The following GAN variants were observed in gnomAD, a reference collection of about 807,000 sequenced individuals.
The protein encoded by GAN is epididymis secretory sperm binding protein.
In GAN, 48 loss-of-function variants were observed where a neutral mutation model predicts 71.3. That is an observed-to-expected ratio of 0.67 (90% CI 0.53 to 0.86). The LOEUF is 0.86. GAN is among the 40% of genes least tolerant of loss of function. The pLI is 0.00. For missense variants in GAN, 928 were observed against 770.1 expected, an observed-to-expected ratio of 1.21 and a Z score of -2.43; for synonymous variants, 386 against 276.8, an observed-to-expected ratio of 1.39 and a Z score of -3.92.
At chr16:81,318,368 G>A (rs1007371305) in intron 1 of GAN, among the ~76,000 whole-genome samples, 1 of 152,186 alleles carries the variant, frequency 6.6e-6, no homozygotes, top group Non-Finnish European at 1.5e-5. Flanking sequence ...GTGTGGTTTA[G>A]AAGCAGTGGT....
chr16:81,364,978 G>T lies in GAN; in HGVS notation c.1241G>T (p.Gly414Val). ...ACCATTGTTCTCTGCTTTCAGATCG[G>T]CTGCTATGCAGCTATGAAAAAGAAA... ...QPDLTMVRKIGCYAAMKKKIY... is the reference protein window; with the variant it reads ...QPDLTMVRKIVCYAAMKKKIY... Residue 414 changes from glycine (G) to valine (V), a missense_variant, in exon 8 of 11, where the codon GGC becomes GTC. By Grantham distance (109) the Gly-to-Val change is moderately radical. Coordinates refer to ENST00000648994, the MANE Select transcript of GAN (RefSeq NM_022041.4). 6.2e-7 allele frequency: 1 copy of T among 1,614,026 alleles called. No individual in the cohort carries two copies. The highest frequency in any genetic ancestry group is 8.5e-7 in the Non-Finnish European group (1 of 1,179,934).
intron 4 of GAN, 91 bp downstream of exon 4, chr16:81,357,093 A>C: frequency 1.1e-6 from 1 of 873,362 alleles, no homozygotes; most frequent in Non-Finnish European, 2.0e-6. Context: ...TCAGTATCTA[A>C]AACATAATTA....
At position 81,363,887 on chromosome 16, in the gene GAN, T is replaced by TA; in HGVS notation, c.1181dup (p.Tyr394Ter). Reference protein sequence around the residue: ...GEKELISMECYDIYSKTWTKQ... With the variant: ...GEKELISMEC Reference sequence around the variant, plus strand: ...AAAGGAGCTGATTTCCATGGAGTGTTACGATATTTATTCTAAAACCTGGAC... The same window carrying TA: ...AAAGGAGCTGATTTCCATGGAGTGTTAACGATATTTATTCTAAAACCTGGAC... Residue 394 changes from tyrosine to a stop codon, truncating the protein, a stop_gained and frameshift_variant, in exon 7 of 11, where the codon TAC (tyrosine) becomes TAAC (stop). Transcript: ENST00000648994. LOFTEE classifies it high-confidence loss of function. 1.2e-6 allele frequency: 2 copies of TA among 1,612,834 alleles called. No homozygotes were observed. Among genetic ancestry groups the TA allele is most frequent in the Non-Finnish European group, 1.7e-6 (2 of 1,178,808 alleles).
chr16:81,338,160 TC>T (rs529637800), intron 1 of GAN, among the ~76,000 whole-genome samples: 385 of 152,352 alleles, frequency 2.5e-3, no homozygotes, highest in Non-Finnish European at 4.0e-3. Context: ...ACACCTGAGA[TC>T]CATTTTTATA....
intron 1 of GAN, among the ~76,000 whole-genome samples, 169 bp downstream of exon 1, chr16:81,315,449 C>T (rs1198786304): frequency 6.6e-6 from 1 of 151,892 alleles, no homozygotes; most frequent in Non-Finnish European, 1.5e-5. Flanking sequence ...CCCGGCCCCG[C>T]TGACCGCGTC....
At chr16:81,329,436 A>G (rs1038247314) in intron 1 of GAN, among the ~76,000 whole-genome samples, 1 of 152,240 alleles carries the variant, frequency 6.6e-6, no homozygotes, top group Non-Finnish European at 1.5e-5. Flanking sequence ...TCTTCTTACA[A>G]GTGCATAATT....
At chr16:81,318,016 A>C (rs531320407) in intron 1 of GAN, among the ~76,000 whole-genome samples, 12 of 152,366 alleles carry the variant, frequency 7.9e-5, no homozygotes, top group Admixed American at 2.6e-4. Flanking sequence ...GCTGTTTCAA[A>C]GTAATTTGAC....
At chr16:81,333,764 A>G (rs1336472812) in intron 1 of GAN, among the ~76,000 whole-genome samples, 1 of 152,202 alleles carries the variant, frequency 6.6e-6, no homozygotes, top group African/African-American at 2.4e-5. Flanking sequence ...GTGAGAGGCT[A>G]GCTACACAAA....
chr16:81,344,672 G>A (rs943392844), intron 1 of GAN, among the ~76,000 whole-genome samples: 2 of 151,972 alleles, frequency 1.3e-5, no homozygotes, highest in Non-Finnish European at 1.5e-5. Flanking sequence ...AGAAAACCTG[G>A]GCAATACCAT....
At chr16:81,376,541 GTA>G (rs1432927471) in intron 9 of GAN, among the ~76,000 whole-genome samples, 2 of 144,114 alleles carry the variant, frequency 1.4e-5, no homozygotes, top group African/African-American at 5.2e-5. Context: ...ATGTGTATAT[GTA>G]TATACACACA....
At chr16:81,348,623 G>A (rs1469616067) in intron 1 of GAN, among the ~76,000 whole-genome samples, 1 of 152,212 alleles carries the variant, frequency 6.6e-6, no homozygotes, top group Non-Finnish European at 1.5e-5. Context: ...CCTACAGGCC[G>A]CCTCTGTTTA....
intron 1 of GAN, among the ~76,000 whole-genome samples, chr16:81,348,362 A>G (rs554828852): frequency 6.6e-6 from 1 of 152,068 alleles, no homozygotes; most frequent in East Asian, 1.9e-4. Context: ...TTTTCCTTGA[A>G]CTTTTCATTT....
Position 81,354,485 on chromosome 16 carries a change from C to T in GAN, c.363C>T (p.Cys121=), listed in dbSNP as rs779767233. The part of the protein sequence containing the change: ...LLLLTDLKTL[C]CEFLEGCIAA... ...TACTGACGGACCTTAAAACCCTGTG[C>T]TGTGAGTTTTTGGAAGGCTGCATTG... Residue 121 remains cysteine, a synonymous_variant, in exon 3 of 11, where the codon TGC becomes TGT. Transcript: ENST00000648994. The T allele has an allele frequency of 6.2e-7, 1 of 1,613,998 alleles. No homozygotes were observed. The highest frequency in any genetic ancestry group is 8.5e-7 in the Non-Finnish European group (1 of 1,179,866).
At chr16:81,370,252 A>G (rs1195461683) in intron 9 of GAN, among the ~76,000 whole-genome samples, 1 of 152,210 alleles carries the variant, frequency 6.6e-6, no homozygotes, top group Admixed American at 6.5e-5. Context: ...TGCTGTTTGT[A>G]TCTTATGGTT....
Position 81,378,928 on chromosome 16 carries a change from A to T in GAN, c.*1332A>T, listed in dbSNP as rs1290756315. 1 of 152,482 alleles carries T rather than the reference A, an allele frequency of 6.6e-6. No individual in the cohort carries two copies. The highest frequency in any genetic ancestry group is 1.5e-5 in the Non-Finnish European group (1 of 68,034). 9.4% of individuals were successfully genotyped at this position (152,482 alleles called of 1,614,324 possible). ...CTTGAATTACACCACCCTAGTGTGA[A>T]ATCGGGGACTTCAAAGTGCTTGATT... On this transcript the variant is annotated 3_prime_UTR_variant, in exon 11 of 11. Transcript: ENST00000648994.
chr16:81,373,363 AT>A (rs1911093553), intron 9 of GAN, among the ~76,000 whole-genome samples: 2 of 152,212 alleles, frequency 1.3e-5, no homozygotes, highest in Non-Finnish European at 2.9e-5. Flanking sequence ...TTAACAGACA[AT>A]TGTTCATTTA....
chr16:81,354,468 G>C lies in GAN; in HGVS notation c.346G>C (p.Asp116His). 6.2e-7 allele frequency: 1 copy of C among 1,614,098 alleles called. No homozygotes were observed. The change falls in exon 3 of 11, where the codon GAC (aspartate) becomes CAC (histidine). Residue 116 changes from aspartate to histidine, a missense_variant. Physicochemically the swap from Asp to His is moderately conservative, Grantham distance 81 (BLOSUM62 -1). Transcript: ENST00000648994. ...VQAADLLLLT[D>H]LKTLCCEFLE... ...GGCAGCTGACCTGCTGCTACTGACG[G>C]ACCTTAAAACCCTGTGCTGTGAGTT...
intron 6 of GAN, 147 bp from the exon 7 acceptor site, chr16:81,363,647 C>A: frequency 1.3e-6 from 1 of 772,650 alleles, no homozygotes; most frequent in Admixed American, 2.0e-5. Context: ...TCAGCCCTTG[C>A]TCCTCTCCCT....
intron 5 of GAN, among the ~76,000 whole-genome samples, chr16:81,361,259 G>A (rs1910664254): frequency 1.3e-5 from 2 of 152,088 alleles, no homozygotes; most frequent in Non-Finnish European, 2.9e-5. Flanking sequence ...ATTATTTGTA[G>A]CAATAACTTT....
Sources: gnomAD v4.1 joint callset for allele counts (sites outside exome capture counted in the v4.1 genomes callset) on GRCh38, gnomAD v4.1.1 for gene constraint, MANE v1.5 for transcripts, NCBI Gene and HGNC (gene_info 2026-07-23, HGNC 2026-07-21) for gene names.